STAG2: variants seen among roughly 807,000 people sequenced by gnomAD.
The protein encoded by STAG2 is STAG2 cohesin complex component.
Under a neutral mutation model 108.1 loss-of-function variants are expected in STAG2, and 14 were observed. The ratio of observed to expected loss-of-function variants is 0.13; its 90% CI spans 0.09 to 0.20. STAG2 has a LOEUF of 0.20. Ranked by LOEUF, STAG2 falls within the 10% of genes least tolerant of loss-of-function variation. The pLI is 1.00. For synonymous variants in STAG2, 307 were observed against 302.7 expected, an observed-to-expected ratio of 1.01 and a Z score of -0.15; for missense variants, 440 against 940.9, an observed-to-expected ratio of 0.47 and a Z score of 6.96.
chrX:124,091,983 G>A lies in STAG2; in HGVS notation c.3578+1019G>A, dbSNP rs373850098. 5.4e-5 allele frequency among the ~76,000 whole-genome samples: 6 copies of A among 112,031 alleles called. No individual in the cohort carries two copies. In the East Asian group the frequency reaches 1.4e-3, roughly 26 times the overall value. ...ATAATTTTTTTAAATGTCTTGATTGGTATACAGGGAAAAGTGTGATGATTA... is the reference window on the plus strand; with the variant it reads ...ATAATTTTTTTAAATGTCTTGATTGATATACAGGGAAAAGTGTGATGATTA... On this transcript the variant is annotated intron_variant, in intron 32 of 34. Coordinates refer to ENST00000371145, the MANE Select transcript of STAG2 (RefSeq NM_001042750.2).
chrX:124,015,872 A>C (rs773976408), intron 1 of STAG2, among the ~76,000 whole-genome samples: 2 of 111,267 alleles, frequency 1.8e-5, no homozygotes, highest in African/African-American at 3.3e-5. Flanking sequence ...AGCATTCACA[A>C]CCTCAAACTA....
At chrX:124,089,583 T>C (rs764991200) in intron 30 of STAG2, among the ~76,000 whole-genome samples, 15 of 110,928 alleles carry the variant, frequency 1.4e-4, no homozygotes, top group African/African-American at 4.9e-4. Context: ...TTTTAACTGG[T>C]CTGTTTGCTC....
At chrX:124,065,547 T>G (rs112915269) in intron 20 of STAG2, among the ~76,000 whole-genome samples, 1 of 112,037 alleles carries the variant, frequency 8.9e-6, no homozygotes, top group Non-Finnish European at 1.9e-5. Context: ...CCTTCTGATC[T>G]TCTTGTCATT....
chrX:123,963,559 A>C (rs897421779), intron 1 of STAG2, among the ~76,000 whole-genome samples: 2 of 110,667 alleles, frequency 1.8e-5, no homozygotes, highest in African/African-American at 6.6e-5. Context: ...ATAAGTGTTC[A>C]GCAGTTTTTC....
At chrX:124,009,443 G>GTAGGTAGATAGATAGATAGA (rs1556479689) in intron 1 of STAG2, among the ~76,000 whole-genome samples, 5 of 63,594 alleles carry the variant, frequency 7.9e-5, no homozygotes, top group East Asian at 5.9e-4. Flanking sequence ...AGGTAGGTAG[G>GTAGGTAGATAGATAGATAGA]TAGATAGATA....
chrX:124,071,244 T>A lies in STAG2; in HGVS notation c.2454T>A (p.Asp818Glu). 1 of 1,207,512 alleles carries A rather than the reference T, an allele frequency of 8.3e-7. No individual in the cohort carries two copies. Among genetic ancestry groups the A allele is most frequent in the Non-Finnish European group, 1.1e-6 (1 of 893,505 alleles). Residue 818 changes from aspartate (D) to glutamate (E), a missense_variant, in exon 25 of 35, where the codon GAT (aspartate) becomes GAA (glutamate). This residue lies in a region of STAG2 where 337 missense variants were observed against 649.3 expected (regional missense o/e 0.52). Transcript: ENST00000371145. ...TAGAGCCATTAGTGTATACCCCTGA[T>A]TCTTCATTGCAGTCTGAGTTGCTCA... ...DMLEPLVYTP[D>E]SSLQSELLSF...
chrX:124,029,164 C>T (rs2057248802), intron 4 of STAG2, among the ~76,000 whole-genome samples: 1 of 104,682 alleles, frequency 9.6e-6, no homozygotes, highest in Non-Finnish European at 1.9e-5. Context: ...CTGCAGGTGC[C>T]TGCCACCACG....
intron 13 of STAG2, among the ~76,000 whole-genome samples, chrX:124,054,898 A>C (rs2058149292): frequency 9.0e-6 from 1 of 110,590 alleles, no homozygotes; most frequent in South Asian, 3.8e-4. Context: ...CTGGGACTAT[A>C]GCTACTGTAG....
intron 4 of STAG2, among the ~76,000 whole-genome samples, chrX:124,030,177 A>G (rs990222577): frequency 8.9e-6 from 1 of 112,043 alleles, no homozygotes; most frequent in Non-Finnish European, 1.9e-5. Context: ...TGAACTGAGT[A>G]TAAGGTACAT....
intron 1 of STAG2, among the ~76,000 whole-genome samples, chrX:123,993,505 T>C (rs1482474080): frequency 1.8e-5 from 2 of 110,551 alleles, no homozygotes; most frequent in African/African-American, 6.6e-5. Flanking sequence ...TTAAGGACAT[T>C]CTGGGGAAAT....
chrX:124,056,256 C>T (rs1439964271), intron 14 of STAG2, 21 bp downstream of exon 14: 3 of 1,094,705 alleles, frequency 2.7e-6, no homozygotes, highest in African/African-American at 1.8e-5. Flanking sequence ...ATATCTGTTA[C>T]TCATTTTCTA....
chrX:124,051,502 A>G lies in STAG2; in HGVS notation c.1196+108A>G, dbSNP rs188462718. The G allele has an allele frequency of 1.4e-3, 688 of 481,865 alleles. 1 individual carries two copies. The highest frequency in any genetic ancestry group is 2.1e-3 in the Non-Finnish European group (646 of 306,371). The allele number at this position is 481,865 out of a possible 1,213,427, so 39.7% of individuals were successfully genotyped here. ...GGTCTAAATTTTAGTAGCTTACGTCATGGAGGTTTACAGCTAGAAGTTGAA... is the reference window on the plus strand; with the variant it reads ...GGTCTAAATTTTAGTAGCTTACGTCGTGGAGGTTTACAGCTAGAAGTTGAA... On this transcript the variant is annotated intron_variant, in intron 13 of 34. Transcript: ENST00000371145.
At chrX:124,014,979 CTTTTTTTTTTTT>C (rs34997317) in intron 1 of STAG2, among the ~76,000 whole-genome samples, 27 of 44,526 alleles carry the variant, frequency 6.1e-4, no homozygotes, top group African/African-American at 2.2e-3. Context: ...ACGTACTTTT[CTTTTTTTTTTTT>C]TTTTTTTTTT....
chrX:124,013,897 G>A (rs1225547540), intron 1 of STAG2, among the ~76,000 whole-genome samples: 1 of 111,159 alleles, frequency 9.0e-6, no homozygotes, highest in East Asian at 2.8e-4. Flanking sequence ...TAGGACATAA[G>A]CCTTTTCTTG....
chrX:124,006,236 A>G (rs1449075487), intron 1 of STAG2, among the ~76,000 whole-genome samples: 1 of 110,744 alleles, frequency 9.0e-6, no homozygotes, highest in Non-Finnish European at 1.9e-5. Flanking sequence ...GTTTATGTAC[A>G]TGTTTTTACG....
At chrX:124,057,147 C>T (rs1215109242) in intron 14 of STAG2, among the ~76,000 whole-genome samples, 1 of 112,011 alleles carries the variant, frequency 8.9e-6, no homozygotes, top group Non-Finnish European at 1.9e-5. Context: ...TCTACAGTCT[C>T]TTTACTTTTG....
intron 1 of STAG2, among the ~76,000 whole-genome samples, chrX:123,978,736 GA>G (rs1415643493): frequency 8.9e-6 from 1 of 112,054 alleles, no homozygotes; most frequent in African/African-American, 3.2e-5. Context: ...ATGCTCCAAA[GA>G]AATGTTCATT....
chrX:124,043,023 GA>G (rs1179504045), intron 7 of STAG2, among the ~76,000 whole-genome samples: 9 of 104,977 alleles, frequency 8.6e-5, no homozygotes, highest in East Asian at 3.0e-4. Context: ...AAAAAAAAAG[GA>G]AAAAAAAAAT....
intron 5 of STAG2, among the ~76,000 whole-genome samples, chrX:124,036,044 A>G (rs925248330): frequency 1.2e-4 from 14 of 112,489 alleles, no homozygotes; most frequent in Admixed American, 1.2e-3. Flanking sequence ...TACTGAGCAC[A>G]TTTCTTTTGT....
Sources: gnomAD v4.1 joint callset for allele counts (sites outside exome capture counted in the v4.1 genomes callset) on GRCh38, gnomAD v4.1.1 for gene constraint, gnomAD v4.1.1 regional missense constraint, MANE v1.5 for transcripts, NCBI Gene and HGNC (gene_info 2026-07-23, HGNC 2026-07-21) for gene names.